AGMO: variants seen among roughly 807,000 people sequenced by gnomAD.
AGMO encodes the protein alkylglycerol monooxygenase, also known as glyceryl-ether monooxygenase.
In AGMO, 75 loss-of-function variants were observed where a neutral mutation model predicts 60.2. That is an observed-to-expected ratio of 1.25 (90% CI 1.03 to 1.51). AGMO has a LOEUF of 1.51. Among genes scored for constraint, AGMO ranks in the 40% most tolerant of loss-of-function variants. AGMO has a pLI of 0.00. For missense variants in AGMO, 763 were observed against 525.5 expected, an observed-to-expected ratio of 1.45 and a Z score of -4.42; for synonymous variants, 261 against 177.1, an observed-to-expected ratio of 1.47 and a Z score of -3.76.
At chr7:15,383,232 C>A (rs1025154105) in intron 10 of AGMO, among the ~76,000 whole-genome samples, 1 of 152,072 alleles carries the variant, frequency 6.6e-6, no homozygotes, top group African/African-American at 2.4e-5. Flanking sequence ...ATCTTGCCAC[C>A]ATGAAGGGTC....
chr7:15,367,891 C>T (rs1783047675), intron 10 of AGMO, among the ~76,000 whole-genome samples: 1 of 152,036 alleles, frequency 6.6e-6, no homozygotes. Context: ...AGCTAATATC[C>T]TTACTTGCAA....
chr7:15,217,006 A>G (rs181674642), intron 12 of AGMO, among the ~76,000 whole-genome samples: 1 of 152,244 alleles, frequency 6.6e-6, no homozygotes, highest in East Asian at 1.9e-4. Context: ...TACTATAAAT[A>G]AATACATCAT....
At chr7:15,167,291 CA>C in the AGMO span, among the ~76,000 whole-genome samples, 1 of 151,298 alleles carries the variant, frequency 6.6e-6, no homozygotes, top group Non-Finnish European at 1.5e-5. Context: ...AAACAACTCA[CA>C]TAATTTCAAA....
chr7:15,152,410 G>A, the AGMO span, among the ~76,000 whole-genome samples: 2 of 151,994 alleles, frequency 1.3e-5, no homozygotes, highest in African/African-American at 4.8e-5. Flanking sequence ...ACATGAATAA[G>A]TTCATGTAAG....
At chr7:15,183,019 C>T in the AGMO span, among the ~76,000 whole-genome samples, 7 of 152,050 alleles carry the variant, frequency 4.6e-5, no homozygotes, top group Non-Finnish European at 7.4e-5. Flanking sequence ...CCCCATGATT[C>T]AATCACCTCC....
chr7:15,288,076 T>C (rs1481053771), intron 12 of AGMO, among the ~76,000 whole-genome samples: 1 of 152,058 alleles, frequency 6.6e-6, no homozygotes, highest in East Asian at 1.9e-4. Flanking sequence ...CAGGCTGGAG[T>C]GCATTGGCAC....
intron 5 of AGMO, among the ~76,000 whole-genome samples, chr7:15,406,392 A>T (rs2128491014): frequency 7.0e-6 from 1 of 142,850 alleles, no homozygotes; most frequent in South Asian, 2.2e-4. Context: ...ATACATATAT[A>T]TGTATTCCAT....
chr7:15,295,017 T>C (rs970206305), intron 12 of AGMO, among the ~76,000 whole-genome samples: 1 of 151,820 alleles, frequency 6.6e-6, no homozygotes, highest in Non-Finnish European at 1.5e-5. Context: ...ATATATTTTT[T>C]AAATACCTCA....
intron 2 of AGMO, among the ~76,000 whole-genome samples, chr7:15,547,978 C>G (rs963613461): frequency 6.8e-6 from 1 of 147,052 alleles, no homozygotes; most frequent in African/African-American, 2.4e-5. Flanking sequence ...TGAGAACAGG[C>G]AGACTGCCTC....
intron 5 of AGMO, among the ~76,000 whole-genome samples, chr7:15,401,697 T>A (rs1054102457): frequency 4.6e-5 from 7 of 152,134 alleles, no homozygotes; most frequent in African/African-American, 1.7e-4. Flanking sequence ...TCATCCCAAA[T>A]AAAAGATGCT....
intron 12 of AGMO, among the ~76,000 whole-genome samples, chr7:15,215,838 T>G (rs1265933692): frequency 6.6e-6 from 1 of 152,060 alleles, no homozygotes; most frequent in Non-Finnish European, 1.5e-5. Flanking sequence ...TGCAGTATTA[T>G]GACAATCAGT....
chr7:15,135,935 A>G, the AGMO span, among the ~76,000 whole-genome samples: 1 of 149,430 alleles, frequency 6.7e-6, no homozygotes, highest in African/African-American at 2.5e-5. Context: ...ATGTAATGAA[A>G]CAACTATGTT....
intron 12 of AGMO, among the ~76,000 whole-genome samples, chr7:15,241,038 A>C (rs1352634460): frequency 1.3e-5 from 2 of 152,166 alleles, no homozygotes; most frequent in Non-Finnish European, 2.9e-5. Flanking sequence ...ACTATATTAA[A>C]TACATGTTGC....
At chr7:15,223,133 A>C (rs1234034322) in intron 12 of AGMO, among the ~76,000 whole-genome samples, 1 of 151,996 alleles carries the variant, frequency 6.6e-6, no homozygotes, top group Non-Finnish European at 1.5e-5. Context: ...AGAATACAAT[A>C]ATTTCACAAT....
chr7:15,211,633 T>G (rs529728514), intron 12 of AGMO, among the ~76,000 whole-genome samples: 5 of 152,102 alleles, frequency 3.3e-5, no homozygotes, highest in Non-Finnish European at 7.4e-5. Flanking sequence ...TTTTAATTCC[T>G]TACTTATGAC....
At chr7:15,191,557 T>C in the AGMO span, among the ~76,000 whole-genome samples, 5 of 152,204 alleles carry the variant, frequency 3.3e-5, no homozygotes, top group Non-Finnish European at 7.3e-5. Flanking sequence ...TTTTGTCAGA[T>C]ATTTTTTATG....
At chr7:15,298,143 A>T (rs1297921016) in intron 12 of AGMO, among the ~76,000 whole-genome samples, 1 of 152,134 alleles carries the variant, frequency 6.6e-6, no homozygotes, top group African/African-American at 2.4e-5. Flanking sequence ...ACTGAGAAAC[A>T]GATAGACTAC....
intron 3 of AGMO, among the ~76,000 whole-genome samples, chr7:15,541,416 A>C (rs916393982): frequency 5.3e-5 from 8 of 152,218 alleles, no homozygotes; most frequent in African/African-American, 1.9e-4. Context: ...CACTGTGTCC[A>C]GCCTAATGCA....
chr7:15,126,074 T>C, the AGMO span, among the ~76,000 whole-genome samples: 1 of 152,094 alleles, frequency 6.6e-6, no homozygotes, highest in Non-Finnish European at 1.5e-5. Context: ...CAAAATGAGC[T>C]AGGAGCTAGG....
Sources: gnomAD v4.1 joint callset for allele counts (sites outside exome capture counted in the v4.1 genomes callset) on GRCh38, gnomAD v4.1.1 for gene constraint, MANE v1.5 for transcripts, NCBI Gene and HGNC (gene_info 2026-07-23, HGNC 2026-07-21) for gene names.